Variants in KCNH1 observed in about 807,000 individuals in gnomAD.
KCNH1 encodes potassium voltage-gated channel subfamily H member 1, also known as voltage-gated delayed rectifier potassium channel KCNH1.
In KCNH1, 27 loss-of-function variants were observed where a neutral mutation model predicts 69.2. That is an observed-to-expected ratio of 0.39 (90% confidence interval 0.29 to 0.54). KCNH1 has a LOEUF of 0.54. Among genes scored for constraint, KCNH1 ranks in the 20% least tolerant of loss-of-function variants. The pLI, the probability that KCNH1 is intolerant of heterozygous loss-of-function variation, is 0.68. For missense variants in KCNH1, 798 were observed against 1,261.6 expected (o/e 0.63, Z 5.57); for synonymous variants, 456 against 487.7 (o/e 0.93, Z 0.86).
At chr1:210,859,856 A>T in intron 7 of KCNH1, 1 of 1,164,960 alleles carries the variant, frequency 8.6e-7, no homozygotes. Context: ...CTGGTTCAAC[A>T]TTATTAGGGA....
At chr1:210,767,886 A>C (rs1683669964) in intron 10 of KCNH1, among the ~76,000 whole-genome samples, 1 of 152,220 alleles carries the variant, frequency 6.6e-6, no homozygotes. Context: ...TTAAAAGATA[A>C]GTTACAACTT....
At chr1:210,995,300 G>T (rs1689008993) in intron 6 of KCNH1, among the ~76,000 whole-genome samples, 1 of 152,122 alleles carries the variant, frequency 6.6e-6, no homozygotes, top group African/African-American at 2.4e-5. Flanking sequence ...ACTAGAACTG[G>T]AGCAGCCATT....
At chr1:210,884,347 C>G (rs564775400) in intron 7 of KCNH1, among the ~76,000 whole-genome samples, 2 of 152,318 alleles carry the variant, frequency 1.3e-5, no homozygotes, top group Non-Finnish European at 2.9e-5. Context: ...CAACTAGCAC[C>G]TGCAGCCTGT....
At chr1:211,102,393 C>A (rs1206043950) in intron 3 of KCNH1, among the ~76,000 whole-genome samples, 1 of 152,198 alleles carries the variant, frequency 6.6e-6, no homozygotes, top group Admixed American at 6.5e-5. Context: ...GACTGGCATA[C>A]AGCCCTTCAC....
chr1:210,988,204 G>A (rs1310255326), intron 6 of KCNH1, among the ~76,000 whole-genome samples: 1 of 152,194 alleles, frequency 6.6e-6, no homozygotes, highest in Non-Finnish European at 1.5e-5. Context: ...GACTAGGAAA[G>A]GGAATTCCCT....
intron 10 of KCNH1, among the ~76,000 whole-genome samples, chr1:210,731,713 C>A (rs1682752203): frequency 6.6e-6 from 1 of 152,204 alleles, no homozygotes; most frequent in Non-Finnish European, 1.5e-5. Flanking sequence ...ACACAAATGT[C>A]TTGGGGAGTC....
At chr1:210,868,378 T>G (rs74156847) in intron 7 of KCNH1, among the ~76,000 whole-genome samples, 2 of 151,920 alleles carry the variant, frequency 1.3e-5, no homozygotes, top group Non-Finnish European at 2.9e-5. Context: ...AATTTCATTT[T>G]CTTAATGGTG....
At chr1:211,120,493 T>C (rs181195083) in intron 1 of KCNH1, among the ~76,000 whole-genome samples, 143 of 152,230 alleles carry the variant, frequency 9.4e-4, no homozygotes, top group African/African-American at 2.5e-3. Flanking sequence ...CCTGGCCTGA[T>C]TCAATAGATT....
intron 10 of KCNH1, among the ~76,000 whole-genome samples, chr1:210,699,622 C>T (rs919059942): frequency 7.2e-5 from 11 of 152,206 alleles, no homozygotes; most frequent in African/African-American, 2.7e-4. Flanking sequence ...ACTGGCAGGA[C>T]CTACCTGTTC....
chr1:211,082,734 A>AC (rs1690880120), intron 5 of KCNH1, 46 bp downstream of exon 5: 2 of 1,463,616 alleles, frequency 1.4e-6, no homozygotes, highest in African/African-American at 2.8e-5. Flanking sequence ...CAGCCCATGC[A>AC]CCCCCTAAAA....
At chr1:211,096,859 T>C (rs1470352977) in intron 3 of KCNH1, among the ~76,000 whole-genome samples, 1 of 152,178 alleles carries the variant, frequency 6.6e-6, no homozygotes, top group Non-Finnish European at 1.5e-5. Context: ...GACTACCTAC[T>C]ATAGTAATTA....
chr1:210,808,084 T>C (rs2102411908), intron 7 of KCNH1, among the ~76,000 whole-genome samples: 1 of 152,274 alleles, frequency 6.6e-6, no homozygotes, highest in Non-Finnish European at 1.5e-5. Flanking sequence ...AATAGTGACA[T>C]GAAGTGTGGT....
chr1:210,724,312 C>T (rs765051481), intron 10 of KCNH1, among the ~76,000 whole-genome samples: 1 of 151,948 alleles, frequency 6.6e-6, no homozygotes, highest in Non-Finnish European at 1.5e-5. Context: ...TTTTTTAAAG[C>T]TCCTGGATGA....
intron 6 of KCNH1, among the ~76,000 whole-genome samples, chr1:210,950,615 T>C (rs1237376235): frequency 6.6e-6 from 1 of 151,882 alleles, no homozygotes; most frequent in African/African-American, 2.4e-5. Context: ...ATCCAGTCTA[T>C]CATTGTTGGA....
intron 5 of KCNH1, 113 bp downstream of exon 5, chr1:211,082,667 T>C: frequency 1.2e-6 from 1 of 801,460 alleles, no homozygotes; most frequent in Non-Finnish European, 2.1e-6. Context: ...AAGACAGGCG[T>C]CTGGGGGTCC....
chr1:210,891,242 G>C (rs1201274077), intron 7 of KCNH1, among the ~76,000 whole-genome samples: 1 of 152,176 alleles, frequency 6.6e-6, no homozygotes, highest in Non-Finnish European at 1.5e-5. Context: ...CCTTTGTAGG[G>C]ACATGTATGA....
At chr1:210,799,208 G>A (rs1315790338) in intron 8 of KCNH1, among the ~76,000 whole-genome samples, 1 of 152,114 alleles carries the variant, frequency 6.6e-6, no homozygotes, top group Admixed American at 6.5e-5. Flanking sequence ...CCCACAAACT[G>A]TATGATATAA....
intron 6 of KCNH1, among the ~76,000 whole-genome samples, chr1:210,932,481 C>T (rs1687695686): frequency 6.6e-6 from 1 of 151,962 alleles, no homozygotes; most frequent in East Asian, 1.9e-4. Context: ...AAACAACAAA[C>T]AAAATGACAG....
chr1:210,895,317 C>T (rs1177712276), intron 7 of KCNH1, among the ~76,000 whole-genome samples: 2 of 152,118 alleles, frequency 1.3e-5, no homozygotes, highest in Admixed American at 6.5e-5. Flanking sequence ...TTCATTTTCA[C>T]ATCTTCACAC....
Sources: gnomAD v4.1 joint callset for allele counts (sites outside exome capture counted in the v4.1 genomes callset) on GRCh38, gnomAD v4.1.1 for gene constraint, MANE v1.5 for transcripts, NCBI Gene and HGNC (gene_info 2026-07-23, HGNC 2026-07-21) for gene names.